The following SLC71A1 variants were observed in gnomAD, a reference collection of about 807,000 sequenced individuals.
SLC71A1 encodes hippocampus abundant gene transcript 1.
chr1:100,056,713 G>A, the SLC71A1 span, among the ~76,000 whole-genome samples: 139,949 of 152,266 alleles, frequency 0.92, 64,505 homozygotes, highest in East Asian at 1. Context: ...CCTAGTAGTG[G>A]GATTGCTGGA....
the SLC71A1 span, among the ~76,000 whole-genome samples, chr1:100,057,334 G>GT: frequency 1.5e-3 from 200 of 132,844 alleles, no homozygotes; most frequent in Middle Eastern, 7.9e-3. Context: ...GTCTGCGACT[G>GT]TTTTTTTTTT....
the SLC71A1 span, among the ~76,000 whole-genome samples, chr1:100,080,874 T>G: frequency 6.6e-6 from 1 of 152,248 alleles, no homozygotes; most frequent in Non-Finnish European, 1.5e-5. Context: ...AAATTTTAAG[T>G]ACCTAGTTTG....
the SLC71A1 span, among the ~76,000 whole-genome samples, chr1:100,039,860 T>C: frequency 1.3e-5 from 2 of 152,240 alleles, no homozygotes; most frequent in Non-Finnish European, 2.9e-5. Flanking sequence ...TTTTATTACC[T>C]TTCTTTGGGG....
the SLC71A1 span, chr1:100,080,438 A>C: frequency 7.1e-7 from 1 of 1,408,778 alleles, no homozygotes; most frequent in Non-Finnish European, 9.9e-7. Context: ...TACTGGTTCT[A>C]AGGTAGGGAA....
At chr1:100,039,214 G>A in the SLC71A1 span, among the ~76,000 whole-genome samples, 1 of 152,174 alleles carries the variant, frequency 6.6e-6, no homozygotes, top group African/African-American at 2.4e-5. Context: ...TGCATCCGCT[G>A]ATACCGCGTT....
chr1:100,060,435 GAAAAA>G, the SLC71A1 span, among the ~76,000 whole-genome samples: 1 of 152,128 alleles, frequency 6.6e-6, no homozygotes, highest in South Asian at 2.1e-4. Context: ...CTTTTCATGT[GAAAAA>G]GGGTCTGCAA....
chr1:100,045,399 C>T, the SLC71A1 span, among the ~76,000 whole-genome samples: 8 of 151,980 alleles, frequency 5.3e-5, no homozygotes, highest in Non-Finnish European at 8.8e-5. Context: ...TTTTTGGATG[C>T]GTCATTAGGG....
the SLC71A1 span, among the ~76,000 whole-genome samples, chr1:100,046,253 GTC>G: frequency 9.7e-6 from 1 of 103,376 alleles, no homozygotes; most frequent in East Asian, 3.5e-4. Context: ...TTGAGACAGA[GTC>G]TAGCTCTGTC....
chr1:100,080,364 C>T, the SLC71A1 span: 1 of 692,238 alleles, frequency 1.4e-6, no homozygotes, highest in Non-Finnish European at 2.5e-6. Flanking sequence ...TTTTTAATGA[C>T]ATTGCTATAA....
chr1:100,061,817 G>T, the SLC71A1 span: 1 of 1,460,012 alleles, frequency 6.8e-7, no homozygotes. Context: ...ACCATTTCTT[G>T]TTATCTTTCA....
chr1:100,064,430 C>G, the SLC71A1 span, among the ~76,000 whole-genome samples: 1 of 152,116 alleles, frequency 6.6e-6, no homozygotes, highest in Non-Finnish European at 1.5e-5. Flanking sequence ...CGCCTGGCCC[C>G]CATGTGAATA....
chr1:100,057,501 C>G, the SLC71A1 span, among the ~76,000 whole-genome samples: 4 of 151,968 alleles, frequency 2.6e-5, no homozygotes, highest in East Asian at 7.8e-4. Flanking sequence ...ATTGCAGGCG[C>G]CTGCCACCAC....
At chr1:100,041,556 T>C in the SLC71A1 span, among the ~76,000 whole-genome samples, 1 of 152,240 alleles carries the variant, frequency 6.6e-6, no homozygotes, top group Non-Finnish European at 1.5e-5. Flanking sequence ...AAATATTTAA[T>C]CATATACTGT....
the SLC71A1 span, among the ~76,000 whole-genome samples, chr1:100,061,638 C>CT: frequency 5.9e-5 from 9 of 152,260 alleles, no homozygotes; most frequent in African/African-American, 2.2e-4. Context: ...AGCTGAGCTG[C>CT]TATTGAAGGG....
At chr1:100,069,504 A>G in the SLC71A1 span, 59 of 670,154 alleles carry the variant, frequency 8.8e-5, no homozygotes, top group African/African-American at 1.0e-3. Context: ...AATGAATTAC[A>G]TTTATTTTTT....
the SLC71A1 span, chr1:100,078,727 C>T: frequency 6.0e-5 from 30 of 503,090 alleles, no homozygotes; most frequent in East Asian, 9.4e-4. Context: ...ATACATATTC[C>T]CTTTTCTCTC....
At chr1:100,058,769 A>T in the SLC71A1 span, 1 of 1,011,692 alleles carries the variant, frequency 9.9e-7, no homozygotes, top group African/African-American at 1.6e-5. Flanking sequence ...ATATACATAC[A>T]TACACATACA....
chr1:100,054,347 G>A, the SLC71A1 span, among the ~76,000 whole-genome samples: 1 of 151,970 alleles, frequency 6.6e-6, no homozygotes, highest in South Asian at 2.1e-4. Flanking sequence ...CAAGTATGTG[G>A]GATTACAGGC....
the SLC71A1 span, among the ~76,000 whole-genome samples, chr1:100,074,604 C>T: frequency 7.8e-3 from 1,177 of 151,778 alleles, 11 homozygotes; most frequent in Non-Finnish European, 0.012. Context: ...AGGCTGGGCA[C>T]GTGGTGGCTC....
Sources: gnomAD v4.1 joint callset for allele counts (sites outside exome capture counted in the v4.1 genomes callset) on GRCh38, gnomAD v4.1.1 for gene constraint, MANE v1.5 for transcripts, NCBI Gene and HGNC (gene_info 2026-07-23, HGNC 2026-07-21) for gene names.